The following NLRC5 variants were observed in gnomAD, a reference collection of about 807,000 sequenced individuals.
NLRC5 encodes the protein NLR family CARD domain containing 5.
Under a neutral mutation model 206.9 loss-of-function variants are expected in NLRC5, and 114 were observed. That is an observed-to-expected ratio of 0.55 (90% confidence interval 0.47 to 0.64). The LOEUF is 0.64. NLRC5 is among the 30% of genes least tolerant of loss of function. NLRC5 has a pLI of 0.00. For missense variants in NLRC5, 2,008 were observed against 2,305.5 expected (o/e 0.87, Z 2.64); for synonymous variants, 952 against 962.8 (o/e 0.99, Z 0.21).
chr16:57,043,025 C>T (rs1272873590), intron 19 of NLRC5, among the ~76,000 whole-genome samples: 2 of 152,058 alleles, frequency 1.3e-5, no homozygotes, highest in African/African-American at 4.8e-5. Context: ...CTGTGAGGGT[C>T]CACACTCGCC....
chr16:57,037,306 G>A lies in NLRC5; in HGVS notation c.2801+22G>A, dbSNP rs368909101. On this transcript the variant is annotated intron_variant, in intron 15 of 48. Coordinates refer to ENST00000688547, the MANE Select transcript of NLRC5 (RefSeq NM_001384950.1). ...TCAGGTGGGAGCTCCCTCAGACCAC[G>A]GTACCCATCCCCCCCCCCATCATGC... The A allele has an allele frequency of 9.6e-5, 153 of 1,592,508 alleles. 1 individual carries two copies. Among genetic ancestry groups the A allele is most frequent in the Admixed American group, 1.5e-4 (9 of 59,210 alleles).
chr16:57,021,072 G>A (rs2142937662), intron 3 of NLRC5, 65 bp downstream of exon 3: 1 of 1,486,126 alleles, frequency 6.7e-7, no homozygotes, highest in East Asian at 2.3e-5. Flanking sequence ...GAGCCGGGAG[G>A]AGCCCAGGGA....
chr16:57,041,631 G>A, intron 18 of NLRC5, 57 bp downstream of exon 18: 1 of 1,421,824 alleles, frequency 7.0e-7, no homozygotes, highest in Non-Finnish European at 9.9e-7. Context: ...GTGAGTTAGT[G>A]TTGGTGTTTG....
chr16:57,022,841 T>A (rs1201671673), intron 4 of NLRC5, among the ~76,000 whole-genome samples: 1 of 152,260 alleles, frequency 6.6e-6, no homozygotes, highest in Non-Finnish European at 1.5e-5. Context: ...ACAGAAGCAT[T>A]GACTTTACTT....
chr16:57,065,177 TG>T (rs766587892), intron 32 of NLRC5, 34 bp from the exon 33 acceptor site: 11 of 1,412,454 alleles, frequency 7.8e-6, no homozygotes, highest in South Asian at 3.0e-5. Flanking sequence ...CTGCTCACCT[TG>T]GGGGGGCCTT....
chr16:57,012,640 C>A (rs1268455799), intron 1 of NLRC5, among the ~76,000 whole-genome samples: 11 of 152,152 alleles, frequency 7.2e-5, no homozygotes, highest in Admixed American at 7.2e-4. Context: ...TGATGAGAAT[C>A]TAATGATAAA....
In NLRC5 at chr16:57,022,256, G is replaced by A. The variant is rs756679759; in HGVS notation, c.296G>A (p.Gly99Glu). The change falls in exon 4 of 49, where the codon GGG becomes GAG. Residue 99 changes from glycine (G) to glutamate (E), a missense_variant and splice_region_variant. By Grantham distance (98) the Gly-to-Glu change is moderately conservative. Coordinates refer to ENST00000688547, the MANE Select transcript of NLRC5 (RefSeq NM_001384950.1). ...CATTATACTCTCCCCTCTCTTGCAG[G>A]GTTCACCAGCCAGCTGGGAGCTGAG... ...LLLSTFGYDD[G>E]FTSQLGAEGK... 49 of 1,611,270 alleles carry A rather than the reference G, an allele frequency of 3.0e-5. No individual in the cohort carries two copies. The highest frequency in any genetic ancestry group is 4.1e-5 in the Non-Finnish European group (48 of 1,177,712).
At chr16:57,035,339 G>A (rs1160466078) in intron 13 of NLRC5, among the ~76,000 whole-genome samples, 1 of 152,098 alleles carries the variant, frequency 6.6e-6, no homozygotes, top group African/African-American at 2.4e-5. Context: ...CCACCTGGCA[G>A]AGAGTAGATC....
At chr16:57,015,632 A>C (rs1489753812) in intron 1 of NLRC5, among the ~76,000 whole-genome samples, 1 of 131,250 alleles carries the variant, frequency 7.6e-6, no homozygotes, top group Non-Finnish European at 1.7e-5. Flanking sequence ...ATAAATAAAT[A>C]AATAAAGGAA....
At chr16:57,055,600 G>A (rs888305461) in intron 27 of NLRC5, 81 bp downstream of exon 27, 1 of 1,118,888 alleles carries the variant, frequency 8.9e-7, no homozygotes, top group East Asian at 2.4e-5. Flanking sequence ...GGGTCCGTGT[G>A]TGCACATACA....
Position 57,025,599 on chromosome 16 carries a change from AG to A in NLRC5, c.659del (p.Gly220AlafsTer4), listed in dbSNP as rs772645045. The part of the protein sequence containing the change: ...ISDLFNTRVN[K>X]GPRVTVLLGK... ...GACCTCTTCAACACCAGGGTTAACA[AG>A]GGCCCGAGGGTGACCGTGCTTTTGG... On this transcript the variant is annotated frameshift_variant, in exon 6 of 49. Coordinates refer to ENST00000688547, the MANE Select transcript of NLRC5 (RefSeq NM_001384950.1). LOFTEE classifies it high-confidence loss of function. The A allele has an allele frequency of 6.2e-7, 1 of 1,614,152 alleles. No individual in the cohort carries two copies.
intron 3 of NLRC5, chr16:57,021,226 C>T (rs2060634890): frequency 2.0e-6 from 1 of 511,822 alleles, no homozygotes; most frequent in Non-Finnish European, 3.5e-6. Flanking sequence ...ACTCGAATTG[C>T]TCGAATTGCT....
intron 1 of NLRC5, among the ~76,000 whole-genome samples, chr16:57,011,894 A>G (rs1198615159): frequency 6.6e-6 from 1 of 152,196 alleles, no homozygotes; most frequent in Non-Finnish European, 1.5e-5. Flanking sequence ...TAACAACTTC[A>G]TTGAGGTGTA....
At chr16:57,052,036 G>A (rs1341021306) in intron 24 of NLRC5, among the ~76,000 whole-genome samples, 1 of 152,184 alleles carries the variant, frequency 6.6e-6, no homozygotes, top group Non-Finnish European at 1.5e-5. Context: ...CTCGTAGAAA[G>A]GGGCTGTACA....
chr16:56,991,658 G>T (rs1444801094), intron 1 of NLRC5, among the ~76,000 whole-genome samples: 1 of 146,832 alleles, frequency 6.8e-6, no homozygotes, highest in East Asian at 2.0e-4. Context: ...TTATAGGCGT[G>T]AGCCATCTTG....
chr16:57,020,653 C>T, intron 2 of NLRC5, 48 bp from the exon 3 acceptor site: 1 of 1,430,238 alleles, frequency 7.0e-7, no homozygotes, highest in Non-Finnish European at 9.4e-7. Context: ...TCATCTGCCC[C>T]CAGTTTACCT....
rs749732904 is a variant in NLRC5, at chr16:57,021,041, G to A, written c.295+34G>A. On this transcript the variant is annotated intron_variant, in intron 3 of 48. Transcript: ENST00000688547. ...AGGTGTGAGAGACGCAAAGCAGCCG[G>A]GCCAGTACCTGCGTCATGGGGAGCC... 7 of 1,600,276 alleles carry A rather than the reference G, an allele frequency of 4.4e-6. No individual in the cohort carries two copies. In the African/African-American group the frequency reaches 6.7e-5, roughly 15 times the overall value.
chr16:57,080,257 A>G (rs904993475), intron 46 of NLRC5, among the ~76,000 whole-genome samples: 33 of 152,202 alleles, frequency 2.2e-4, no homozygotes, highest in African/African-American at 7.7e-4. Flanking sequence ...TCATTACACC[A>G]AAGCGAAAGT....
chr16:57,064,395 AAAG>A (rs1430768552), intron 32 of NLRC5, among the ~76,000 whole-genome samples: 1 of 152,240 alleles, frequency 6.6e-6, no homozygotes, highest in Non-Finnish European at 1.5e-5. Flanking sequence ...ATAGAAAATT[AAAG>A]AAGACATAAA....
Sources: gnomAD v4.1 joint callset for allele counts (sites outside exome capture counted in the v4.1 genomes callset) on GRCh38, gnomAD v4.1.1 for gene constraint, MANE v1.5 for transcripts, NCBI Gene and HGNC (gene_info 2026-07-23, HGNC 2026-07-21) for gene names.